The following HMX1 variants were observed in gnomAD, a reference collection of about 807,000 sequenced individuals.
The protein encoded by HMX1 is homeobox protein HMX1.
In HMX1, 8 loss-of-function variants were observed where a neutral mutation model predicts 8.9. That is an observed-to-expected ratio of 0.90 (90% CI 0.53 to 1.63). The LOEUF (loss-of-function observed/expected upper bound fraction) is 1.63. Among genes scored for constraint, HMX1 ranks in the 40% most tolerant of loss-of-function variants. HMX1 has a pLI of 0.00. For missense variants in HMX1, 621 were observed against 558.5 expected (o/e 1.11, Z -1.13); for synonymous variants, 311 against 283.4 (o/e 1.10, Z -0.98).
At position 8,853,031 on chromosome 4, in the gene HMX1, C is replaced by T. The variant is rs571452507; in HGVS notation, c.395-6707G>A. ...TAGAAGGAGTCCCTGGGTTCCTGGC[C>T]ACACTAGCCCTGGGCTGCCCACCTC... On this transcript the variant is annotated intron_variant, in intron 1 of 1. Coordinates refer to the HMX1 transcript ENST00000506970. The surrounding 1 kb of genome is among the most constrained non-coding windows in gnomAD (Gnocchi z 4.7). 5.3e-5 allele frequency among the ~76,000 whole-genome samples: 8 copies of T among 152,152 alleles called. No homozygotes were observed. The South Asian group carries it at 1.7e-3, about 32-fold the overall frequency.
intron 1 of HMX1, among the ~76,000 whole-genome samples, chr4:8,850,725 C>T (rs1721419508): frequency 6.6e-6 from 1 of 152,266 alleles, no homozygotes; most frequent in Admixed American, 6.5e-5. Context: ...AGTGTTAGCG[C>T]CTGCCCTTCC....
chr4:8,871,794 G>A lies in HMX1; in HGVS notation c.-180C>T, dbSNP rs1460863538. 2.5e-6 allele frequency: 2 copies of A among 791,266 alleles called. No homozygotes were observed. Among genetic ancestry groups the A allele is most frequent in the East Asian group, 1.2e-4 (1 of 8,292 alleles). 49.0% of individuals were successfully genotyped at this position (791,266 alleles called of 1,614,324 possible). A position where few individuals can be genotyped will look rare whatever the true frequency, so the allele number is the denominator to read the frequency against. On this transcript the variant is annotated 5_prime_UTR_variant, in exon 1 of 2. Transcript: ENST00000400677. The surrounding 1 kb of genome is among the most constrained non-coding windows in gnomAD (Gnocchi z 4.8). ...GGCTGGGCTGGGCCGGGCCGGGAGC[G>A]AGTGCGCGCCGACAGCTGATCGGGC... is the stretch of plus-strand genomic sequence containing the variant.
chr4:8,871,575 C>G lies in HMX1; in HGVS notation c.40G>C (p.Ala14Pro). 1 of 1,350,704 alleles carries G rather than the reference C, an allele frequency of 7.4e-7. No individual in the cohort carries two copies. Among genetic ancestry groups the G allele is most frequent in the Non-Finnish European group, 9.5e-7 (1 of 1,048,126 alleles). 83.7% of individuals were successfully genotyped at this position (1,350,704 alleles called of 1,614,324 possible). The change falls in exon 1 of 2, where the codon GCC (alanine) becomes CCC (proline). Residue 14 changes from alanine to proline, a missense_variant. Transcript: ENST00000400677. The surrounding 1 kb of genome is among the most constrained non-coding windows in gnomAD (Gnocchi z 4.8). ...ELTEPGRATP[A>P]RASSFLIENL... ...TCGATGAGGAAGGAGGAGGCGCGGG[C>G]CGGCGTGGCGCGCCCGGGCTCCGTC...
At position 8,847,159 on chromosome 4, in the gene HMX1, C is replaced by G. The variant is rs1042330964; in HGVS notation, c.395-835G>C. 1.3e-5 allele frequency among the ~76,000 whole-genome samples: 2 copies of G among 152,102 alleles called. No homozygotes were observed. The highest frequency in any genetic ancestry group is 2.9e-5 in the Non-Finnish European group (2 of 68,030). On this transcript the variant is annotated intron_variant, in intron 1 of 1. Coordinates refer to the HMX1 transcript ENST00000506970. The surrounding 1 kb of genome is among the most constrained non-coding windows in gnomAD (Gnocchi z 6.0). ...AAATAAAAGTACAAAGCCATTGAGC[C>G]GGGCGTGGTGAGGGATGCCTGTAAT...
rs969580546 is a variant in HMX1, at chr4:8,870,536, C to A, written c.394+685G>T. Among the ~76,000 whole-genome samples the A allele has an allele frequency of 6.6e-6, 1 of 152,104 alleles. No individual in the cohort carries two copies. The highest frequency in any genetic ancestry group is 1.5e-5 in the Non-Finnish European group (1 of 67,994). On this transcript the variant is annotated intron_variant, in intron 1 of 1. Coordinates refer to ENST00000400677, the MANE Select transcript of HMX1 (RefSeq NM_018942.3). This position sits in a 1 kb window ranked among gnomAD's most constrained non-coding sequence, Gnocchi z 4.4. ...CCCTTCTTGCCTGGCACAGCCCATGCCCCTCAAGGACCAAGAGGGAGACCC... is the reference window on the plus strand; with the variant it reads ...CCCTTCTTGCCTGGCACAGCCCATGACCCTCAAGGACCAAGAGGGAGACCC...
chr4:8,863,907 AGCACATCC>A (rs1035617934), downstream of HMX1, among the ~76,000 whole-genome samples: 18 of 152,248 alleles, frequency 1.2e-4, 1 homozygote, highest in Admixed American at 8.5e-4. Flanking sequence ...AAGCCCAGAC[AGCACATCC>A]TCCACGCCCA....
chr4:8,859,764 C>T (rs1242463499), intron 1 of HMX1, among the ~76,000 whole-genome samples: 1 of 152,228 alleles, frequency 6.6e-6, no homozygotes, highest in Non-Finnish European at 1.5e-5. Flanking sequence ...CCCGCCCCTT[C>T]GTCATCGTGG....
In HMX1 at chr4:8,867,804, CGCGGGCGCG is replaced by C. The variant is rs1190120761; in HGVS notation, c.927_935del (p.Ala310_Ala312del). On this transcript the variant is annotated inframe_deletion, in exon 2 of 2. Transcript: ENST00000400677. ...AGAAGCCGAGCAGCGGTGGGGGCGG[CGCGGGCGCG>C]GCGGGCGCCAGCGGGAAGGGCAGGG... 1.6e-6 allele frequency: 2 copies of C among 1,229,200 alleles called. No homozygotes were observed. Among genetic ancestry groups the C allele is most frequent in the South Asian group, 3.9e-5 (1 of 25,506 alleles). The allele number at this position is 1,229,200 out of a possible 1,614,324, so 76.1% of individuals were successfully genotyped here. A position where few individuals can be genotyped will look rare whatever the true frequency, so the allele number is the denominator to read the frequency against.
Position 8,871,262 on chromosome 4 carries a change from G to A in HMX1, c.353C>T (p.Pro118Leu). 6.7e-7 allele frequency: 1 copy of A among 1,485,030 alleles called. No individual in the cohort carries two copies. The highest frequency in any genetic ancestry group is 1.2e-5 in the South Asian group (1 of 80,116). The allele number at this position is 1,485,030 out of a possible 1,614,324, so 92.0% of individuals were successfully genotyped here. ...GCCTCCATAGCCACCGTGCGCCCGTGGGTACCAGCGCGCTGCGCCTCCGCA... is the reference window on the plus strand; with the variant it reads ...GCCTCCATAGCCACCGTGCGCCCGTAGGTACCAGCGCGCTGCGCCTCCGCA... Reference protein sequence around the residue: ...LGCGGAARWYPRAHGGYGGGL... With the variant: ...LGCGGAARWYLRAHGGYGGGL... Residue 118 changes from proline to leucine, a missense_variant, in exon 1 of 2, where the codon CCA (proline) becomes CTA (leucine). Transcript: ENST00000400677. The surrounding 1 kb of genome is among the most constrained non-coding windows in gnomAD (Gnocchi z 4.8).
intron 1 of HMX1, among the ~76,000 whole-genome samples, chr4:8,854,517 G>T (rs947788748): frequency 3.3e-5 from 5 of 152,340 alleles, no homozygotes; most frequent in South Asian, 2.1e-4. Flanking sequence ...TTCCCTTCCA[G>T]GCTGCAACAC....
intron 1 of HMX1, among the ~76,000 whole-genome samples, chr4:8,861,169 G>A (rs1246105462): frequency 1.3e-5 from 2 of 152,152 alleles, no homozygotes; most frequent in African/African-American, 4.8e-5. Context: ...GGGTCCGGGC[G>A]CCGCTGCCCT....
At chr4:8,865,458 G>C (rs913780376), downstream of HMX1, among the ~76,000 whole-genome samples, 8 of 152,082 alleles carry the variant, frequency 5.3e-5, no homozygotes, top group Non-Finnish European at 8.8e-5. Flanking sequence ...GGCTACTGCT[G>C]CTGCTTCTGC....
At chr4:8,856,416 G>A (rs1174787022) in intron 1 of HMX1, among the ~76,000 whole-genome samples, 2 of 152,114 alleles carry the variant, frequency 1.3e-5, no homozygotes, top group South Asian at 2.1e-4. Flanking sequence ...TAGAAGTGGA[G>A]GACATTTTAA....
chr4:8,870,909 ACT>A lies in HMX1; in HGVS notation c.394+310_394+311del, dbSNP rs928627368. Among the ~76,000 whole-genome samples the A allele has an allele frequency of 7.2e-6, 1 of 138,126 alleles. No homozygotes were observed. The highest frequency in any genetic ancestry group is 1.5e-5 in the Non-Finnish European group (1 of 64,850). The allele number at this position is 138,126 out of a possible 152,430, so 90.6% of individuals were successfully genotyped here. A position where few individuals can be genotyped will look rare whatever the true frequency, so the allele number is the denominator to read the frequency against. On this transcript the variant is annotated intron_variant, in intron 1 of 1. Transcript: ENST00000400677. This position sits in a 1 kb window ranked among gnomAD's most constrained non-coding sequence, Gnocchi z 4.4. Reference sequence around the variant, plus strand: ...CCTGTATCTTTCCCTATCCTCTTTCACTCTCCTTTCTTTTTTCTTTGGCCTCC... The same window carrying A: ...CCTGTATCTTTCCCTATCCTCTTTCACTCCTTTCTTTTTTCTTTGGCCTCC...
chr4:8,861,919 C>T (rs143816007), intron 1 of HMX1, among the ~76,000 whole-genome samples: 5,757 of 152,362 alleles, frequency 0.038, 362 homozygotes, highest in African/African-American at 0.12. Flanking sequence ...GCGCAACCTC[C>T]CAAACACTGC....
downstream of HMX1, among the ~76,000 whole-genome samples, chr4:8,864,788 C>A (rs149447751): frequency 6.5e-3 from 994 of 152,338 alleles, 12 homozygotes; most frequent in African/African-American, 0.023. Flanking sequence ...AGGCCCCAGC[C>A]CTTCCCTGAG....
At position 8,868,966 on chromosome 4, in the gene HMX1, T is replaced by G. The variant is rs942063180; in HGVS notation, c.395-621A>C. Among the ~76,000 whole-genome samples, 1 of 151,658 alleles carries G rather than the reference T, an allele frequency of 6.6e-6. No individual in the cohort carries two copies. Among genetic ancestry groups the G allele is most frequent in the Non-Finnish European group, 1.5e-5 (1 of 67,938 alleles). ...ATGCAAAGGATCCCCAAAAGAGAAC[T>G]CCCATCAGGTGAGGCTGTCACCCCC... is the stretch of plus-strand genomic sequence containing the variant. On this transcript the variant is annotated intron_variant, in intron 1 of 1. Transcript: ENST00000400677. This position sits in a 1 kb window ranked among gnomAD's most constrained non-coding sequence, Gnocchi z 4.6.
chr4:8,866,087 T>G (rs982432382), downstream of HMX1, among the ~76,000 whole-genome samples: 98 of 152,008 alleles, frequency 6.4e-4, no homozygotes, highest in East Asian at 2.0e-4. Context: ...CTGGGCTTGC[T>G]GGAACCCTGG....
downstream of HMX1, among the ~76,000 whole-genome samples, chr4:8,863,813 G>A (rs528752477): frequency 6.6e-6 from 1 of 152,362 alleles, no homozygotes; most frequent in Non-Finnish European, 1.5e-5. Context: ...CGGCCTCCAG[G>A]ATTCCAGTAG....
Sources: allele counts gnomAD v4.1 joint callset (sites outside exome capture counted in the v4.1 genomes callset), GRCh38; gene constraint gnomAD v4.1.1; non-coding constraint Gnocchi (gnomAD v3.1); transcripts MANE v1.5; gene names NCBI Gene and HGNC (gene_info 2026-07-23, HGNC 2026-07-21).